Variants in PDE3A observed in about 807,000 individuals in gnomAD.
PDE3A encodes phosphodiesterase 3A.
PDE3A carries 43 observed loss-of-function variants against 98.3 expected under a neutral mutation model. That is an observed-to-expected ratio of 0.44 (90% CI 0.34 to 0.56). PDE3A has a LOEUF of 0.56. Ranked by LOEUF, PDE3A falls within the 20% of genes least tolerant of loss-of-function variation. The pLI is 0.01. For missense variants in PDE3A, 1,427 were observed against 1,440.7 expected, an observed-to-expected ratio of 0.99 and a Z score of 0.15; for synonymous variants, 663 against 567.9, an observed-to-expected ratio of 1.17 and a Z score of -2.38.
rs892051698 is a variant in PDE3A at position 20,682,308 on chromosome 12, G to C, written c.*2037G>C. 3 of 152,128 alleles carry C rather than the reference G, an allele frequency of 2.0e-5. No individual in the cohort carries two copies. The highest frequency in any genetic ancestry group is 6.5e-5 in the Admixed American group (1 of 15,276). The allele number at this position is 152,128 out of a possible 1,614,324, so 9.4% of individuals were successfully genotyped here. On this transcript the variant is annotated 3_prime_UTR_variant, in exon 16 of 16. Transcript: ENST00000359062. ...CTTACCTTCTAAGTAAACCTTGATT[G>C]TGATTTCCAGTTTTTATTTTCTCTG...
intron 1 of PDE3A, among the ~76,000 whole-genome samples, chr12:20,468,867 A>G (rs1171645494): frequency 6.6e-6 from 1 of 152,174 alleles, no homozygotes; most frequent in Admixed American, 6.6e-5. Context: ...TTCTGGCAGG[A>G]GTTATTTTGT....
At chr12:20,422,147 C>T (rs879640051) in intron 1 of PDE3A, among the ~76,000 whole-genome samples, 4 of 152,140 alleles carry the variant, frequency 2.6e-5, no homozygotes, top group Middle Eastern at 3.4e-3. Flanking sequence ...GAGATCGAGA[C>T]CATCCTGGCT....
chr12:20,686,537 CA>C lies in PDE3A; in HGVS notation c.*6270del, dbSNP rs1945968390. Among the ~76,000 whole-genome samples the C allele has an allele frequency of 6.6e-6, 1 of 152,046 alleles. No individual in the cohort carries two copies. Among genetic ancestry groups the C allele is most frequent in the Non-Finnish European group, 1.5e-5 (1 of 67,974 alleles). ...AAATTCATTAATAAAAAATTAATAA[CA>C]AAACTTTGTAAGCCTTAATGGTTTA... On this transcript the variant is annotated 3_prime_UTR_variant, in exon 16 of 16. Transcript: ENST00000359062.
intron 1 of PDE3A, among the ~76,000 whole-genome samples, chr12:20,386,102 T>TATATATAAATATAAAA (rs1565532520): frequency 4.1e-4 from 6 of 14,624 alleles, no homozygotes; most frequent in Non-Finnish European, 6.0e-4. Context: ...TATATATAAA[T>TATATATAAATATAAAA]ATATATATAA....
At chr12:20,412,936 C>A (rs1444643) in intron 1 of PDE3A, among the ~76,000 whole-genome samples, 94,495 of 152,044 alleles carry the variant, frequency 0.62, 30,977 homozygotes, top group East Asian at 0.88. Context: ...TAAAGTCTGT[C>A]GCTATATTAG....
At position 20,621,403 on chromosome 12, in the gene PDE3A, G is replaced by C. The variant is rs373626426; in HGVS notation, c.1532G>C (p.Ser511Thr). 3 of 1,579,536 alleles carry C rather than the reference G, an allele frequency of 1.9e-6. No individual in the cohort carries two copies. The African/African-American group carries it at 4.0e-5, about 21-fold the overall frequency. ...AANHVKAKKQ[S>T]RPGALAKISP... The stretch of plus-strand genomic sequence containing the variant: ...AACCATGTAAAGGCTAAAAAGCAAA[G>C]TCGACCAGGTAAGTAACTTAACTGG... Residue 511 changes from serine to threonine, a missense_variant, in exon 5 of 16, where the codon AGT (serine) becomes ACT (threonine). Ser to Thr is a moderately conservative substitution (Grantham distance 58). Transcript: ENST00000359062.
rs768193061 is a variant in PDE3A at position 20,370,156 on chromosome 12, G to C, written c.872G>C (p.Arg291Pro). ...ATCCCGGTGTTTAAGAGGAGGAGGCGGTCCAGCTCCGTCGTGTCCGCCGAG... is the reference window on the plus strand; with the variant it reads ...ATCCCGGTGTTTAAGAGGAGGAGGCCGTCCAGCTCCGTCGTGTCCGCCGAG... ...EDIPVFKRRR[R>P]SSSVVSAEMS... The change falls in exon 1 of 16, where the codon CGG (arginine) becomes CCG (proline). Residue 291 changes from arginine to proline, a missense_variant. Arg to Pro is a moderately radical substitution (Grantham distance 103). Coordinates refer to ENST00000359062, the MANE Select transcript of PDE3A (RefSeq NM_000921.5). 1.9e-6 allele frequency: 3 copies of C among 1,613,078 alleles called. No individual in the cohort carries two copies. The highest frequency in any genetic ancestry group is 2.5e-6 in the Non-Finnish European group (3 of 1,179,846).
intron 1 of PDE3A, chr12:20,449,973 A>G: frequency 1.4e-6 from 1 of 719,324 alleles, no homozygotes; most frequent in Non-Finnish European, 2.4e-6. Flanking sequence ...GGTTGTCAGG[A>G]ACAATAAGCC....
chr12:20,431,613 A>ACACACACACACACACG (rs1266600637), intron 1 of PDE3A, among the ~76,000 whole-genome samples: 16 of 150,808 alleles, frequency 1.1e-4, no homozygotes, highest in South Asian at 6.3e-4. Flanking sequence ...ACACACACAC[A>ACACACACACACACACG]CACACACACG....
chr12:20,533,545 C>G (rs969087369), intron 1 of PDE3A, among the ~76,000 whole-genome samples: 23 of 150,380 alleles, frequency 1.5e-4, no homozygotes, highest in Non-Finnish European at 2.4e-4. Context: ...GCAGTGGCGC[C>G]ATTTCGGCTC....
chr12:20,463,269 T>C (rs1266943022), intron 1 of PDE3A, among the ~76,000 whole-genome samples: 1 of 152,188 alleles, frequency 6.6e-6, no homozygotes, highest in Non-Finnish European at 1.5e-5. Context: ...ATAGAGTAGT[T>C]GTCAGAAAAC....
intron 1 of PDE3A, chr12:20,551,474 G>A (rs902506167): frequency 1.5e-5 from 10 of 661,160 alleles, no homozygotes; most frequent in Middle Eastern, 4.2e-4. Context: ...GTGGGTGGTG[G>A]TGCATGGCCG....
chr12:20,416,952 T>A (rs1565542408), intron 1 of PDE3A, among the ~76,000 whole-genome samples: 1 of 152,196 alleles, frequency 6.6e-6, no homozygotes, highest in Non-Finnish European at 1.5e-5. Flanking sequence ...CTTTTTCTTA[T>A]AAATTTATCC....
chr12:20,676,734 C>G (rs1395744684), intron 15 of PDE3A, among the ~76,000 whole-genome samples: 1 of 152,026 alleles, frequency 6.6e-6, no homozygotes, highest in African/African-American at 2.4e-5. Flanking sequence ...CTCCTGACCT[C>G]GTGATCTGCC....
At chr12:20,447,375 T>C (rs1468625374) in intron 1 of PDE3A, among the ~76,000 whole-genome samples, 3 of 152,246 alleles carry the variant, frequency 2.0e-5, no homozygotes, top group African/African-American at 7.2e-5. Context: ...GAGGCCCCTT[T>C]GTAACTTCTG....
At chr12:20,515,173 G>T (rs1196257607) in intron 1 of PDE3A, among the ~76,000 whole-genome samples, 1 of 152,180 alleles carries the variant, frequency 6.6e-6, no homozygotes, top group African/African-American at 2.4e-5. Flanking sequence ...TTCAACGTAA[G>T]TTTGAAGGGG....
chr12:20,508,183 T>C (rs1198550371), intron 1 of PDE3A, among the ~76,000 whole-genome samples: 1 of 152,046 alleles, frequency 6.6e-6, no homozygotes, highest in African/African-American at 2.4e-5. Flanking sequence ...TTGTCCCCAG[T>C]TATCCCCATA....
chr12:20,523,769 A>C (rs1227977470), intron 1 of PDE3A, among the ~76,000 whole-genome samples: 2 of 152,216 alleles, frequency 1.3e-5, no homozygotes, highest in Non-Finnish European at 2.9e-5. Flanking sequence ...GTATCACTTA[A>C]AGTAAAAAAT....
At chr12:20,589,138 A>G (rs1943261792) in intron 2 of PDE3A, among the ~76,000 whole-genome samples, 1 of 151,896 alleles carries the variant, frequency 6.6e-6, no homozygotes, top group Non-Finnish European at 1.5e-5. Flanking sequence ...GTTAGCCAGG[A>G]TGGTCTTGAT....
Sources: gnomAD v4.1 joint callset for allele counts (sites outside exome capture counted in the v4.1 genomes callset) on GRCh38, gnomAD v4.1.1 for gene constraint, MANE v1.5 for transcripts, NCBI Gene and HGNC (gene_info 2026-07-23, HGNC 2026-07-21) for gene names.